Variants in QSOX2 observed in about 807,000 individuals in gnomAD.
The protein encoded by QSOX2 is sulfhydryl oxidase 2.
QSOX2 carries 46 observed loss-of-function variants against 61.7 expected under a neutral mutation model. That is an observed-to-expected ratio of 0.75 (90% CI 0.59 to 0.95). The LOEUF (loss-of-function observed/expected upper bound fraction) is 0.95. Ranked by LOEUF, QSOX2 falls within the 40% of genes least tolerant of loss-of-function variation. The probability of loss-of-function intolerance (pLI) is 0.00; values close to 1 mark genes in which losing one functional copy is unlikely to be tolerated. For missense variants in QSOX2, 879 were observed against 918.9 expected (o/e 0.96, Z 0.56); for synonymous variants, 383 against 388.4 (o/e 0.99, Z 0.16).
At chr9:136,230,002 C>T (rs976737863) in intron 1 of QSOX2, among the ~76,000 whole-genome samples, 1 of 152,222 alleles carries the variant, frequency 6.6e-6, no homozygotes, top group Non-Finnish European at 1.5e-5. Context: ...CCCTCCTGGC[C>T]GGGCGTGGTG....
Position 136,236,302 on chromosome 9 carries a change from G to A in QSOX2, c.328+9174C>T, listed in dbSNP as rs189226086. The stretch of plus-strand genomic sequence containing the variant: ...GCTGTGTGCCGGCCCCTGGGGAGAC[G>A]CACGGTGTGCGGAGATGGGGCAGAT... On this transcript the variant is annotated intron_variant, in intron 1 of 11. Transcript: ENST00000358701. Among the ~76,000 whole-genome samples the A allele has an allele frequency of 4.6e-3, 698 of 152,368 alleles. 13 individuals are homozygous for A. Among genetic ancestry groups the A allele is most frequent in the Middle Eastern group, 0.034 (10 of 294 alleles).
At chr9:136,226,995 G>A in intron 1 of QSOX2, 121 bp from the exon 2 acceptor site, 1 of 754,152 alleles carries the variant, frequency 1.3e-6, no homozygotes, top group Non-Finnish European at 2.4e-6. Context: ...GCCCCCTCTA[G>A]GTCATCAGTT....
chr9:136,211,565 C>G, intron 10 of QSOX2, 113 bp from the exon 11 acceptor site: 1 of 1,022,370 alleles, frequency 9.8e-7, no homozygotes, highest in Non-Finnish European at 1.4e-6. Flanking sequence ...GAAGCCACCT[C>G]ATGTCTCCCC....
Position 136,221,243 on chromosome 9 carries a change from G to A in QSOX2, c.821+553C>T, listed in dbSNP as rs1415696951. 1.3e-5 allele frequency among the ~76,000 whole-genome samples: 2 copies of A among 150,966 alleles called. No homozygotes were observed. Among genetic ancestry groups the A allele is most frequent in the Admixed American group, 6.6e-5 (1 of 15,190 alleles). On this transcript the variant is annotated intron_variant, in intron 6 of 11. Transcript: ENST00000358701. This position sits in a 1 kb window ranked among gnomAD's most constrained non-coding sequence, Gnocchi z 4.5. The stretch of plus-strand genomic sequence containing the variant: ...GAGGGGCACACAGGCACCCCACGCA[G>A]GGGCGAAGGGCTTATCCTCATGAGG...
rs1254339681 is a variant in QSOX2, at chr9:136,219,064, TTTC to T, written c.919_921del (p.Glu307del). On this transcript the variant is annotated inframe_deletion, in exon 7 of 12. Coordinates refer to ENST00000358701, the MANE Select transcript of QSOX2 (RefSeq NM_181701.4). ...TCTCTCCAAACCACGATTTCTGAAT[TTTC>T]TTCTTTGTGTGGCTTTTCAGGCAAG... 2 of 1,614,002 alleles carry T rather than the reference TTTC, an allele frequency of 1.2e-6. No individual in the cohort carries two copies. The highest frequency in any genetic ancestry group is 1.3e-5 in the African/African-American group (1 of 74,926).
chr9:136,231,457 G>C (rs1267384150), intron 1 of QSOX2, among the ~76,000 whole-genome samples: 1 of 152,208 alleles, frequency 6.6e-6, no homozygotes, highest in Admixed American at 6.5e-5. Context: ...GAAAACCAAG[G>C]CTTTGCAAAA....
intron 1 of QSOX2, among the ~76,000 whole-genome samples, chr9:136,241,840 C>T (rs74878706): frequency 0.011 from 1,708 of 152,358 alleles, 23 homozygotes; most frequent in Non-Finnish European, 0.016. Flanking sequence ...GCCCTGTTTT[C>T]TCAGGCTGAC....
At chr9:136,244,837 T>G (rs539844396) in intron 1 of QSOX2, among the ~76,000 whole-genome samples, 1 of 152,196 alleles carries the variant, frequency 6.6e-6, no homozygotes, top group Non-Finnish European at 1.5e-5. Context: ...AAATTCTTTG[T>G]AGAGTTAAAA....
At chr9:136,214,678 T>A (rs538698318) in intron 10 of QSOX2, among the ~76,000 whole-genome samples, 1 of 152,168 alleles carries the variant, frequency 6.6e-6, no homozygotes, top group East Asian at 1.9e-4. Flanking sequence ...GCCTGACCAA[T>A]CCTGAAGAAG....
At chr9:136,215,875 C>T (rs553296877) in intron 9 of QSOX2, among the ~76,000 whole-genome samples, 1 of 152,350 alleles carries the variant, frequency 6.6e-6, no homozygotes, top group South Asian at 2.1e-4. Context: ...GGAGATGTCA[C>T]ACGTCGCAGT....
intron 10 of QSOX2, among the ~76,000 whole-genome samples, chr9:136,211,804 T>C (rs549500329): frequency 1.3e-5 from 2 of 152,344 alleles, no homozygotes; most frequent in African/African-American, 2.4e-5. Context: ...TCCAGCCGTC[T>C]GTGCCAGAAC....
Position 136,244,873 on chromosome 9 carries a change from G to A in QSOX2, c.328+603C>T, listed in dbSNP as rs988963784. 3.3e-5 allele frequency among the ~76,000 whole-genome samples: 5 copies of A among 152,300 alleles called. No homozygotes were observed. In the Middle Eastern group the frequency reaches 0.01, roughly 311 times the overall value. On this transcript the variant is annotated intron_variant, in intron 1 of 11. Coordinates refer to ENST00000358701, the MANE Select transcript of QSOX2 (RefSeq NM_181701.4). ...AAATTGCTTTATAGGTTGTTTTGGG[G>A]TATTATAGAGAAGTCTCCAGAGTAT...
Position 136,223,936 on chromosome 9 carries a change from T to C in QSOX2, c.584+71A>G, listed in dbSNP as rs944754133. Reference sequence around the variant, plus strand: ...ACATCCCAGTGGCCACATCACTTAATAGAAACCTATTACGTTTCTTGCACA... The same window carrying C: ...ACATCCCAGTGGCCACATCACTTAACAGAAACCTATTACGTTTCTTGCACA... On this transcript the variant is annotated intron_variant, in intron 4 of 11. Transcript: ENST00000358701. The surrounding 1 kb of genome is among the most constrained non-coding windows in gnomAD (Gnocchi z 4.4). 4 of 1,563,898 alleles carry C rather than the reference T, an allele frequency of 2.6e-6. No individual in the cohort carries two copies. Among genetic ancestry groups the C allele is most frequent in the Non-Finnish European group, 3.5e-6 (4 of 1,135,480 alleles).
intron 6 of QSOX2, among the ~76,000 whole-genome samples, chr9:136,220,296 T>C (rs1831965224): frequency 6.6e-6 from 1 of 152,248 alleles, no homozygotes; most frequent in South Asian, 2.1e-4. Context: ...CTGAAAGTGC[T>C]GGGATTACAG....
Position 136,216,616 on chromosome 9 carries a change from A to C in QSOX2, c.1193T>G (p.Val398Gly), listed in dbSNP as rs747554299. The C allele has an allele frequency of 3.8e-5, 61 of 1,613,730 alleles. No homozygotes were observed. Among genetic ancestry groups the C allele is most frequent in the Non-Finnish European group, 4.9e-5 (58 of 1,179,942 alleles). The change falls in exon 9 of 12, where the codon GTC (valine) becomes GGC (glycine). Residue 398 changes from valine to glycine, a missense_variant. Coordinates refer to ENST00000358701, the MANE Select transcript of QSOX2 (RefSeq NM_181701.4). The part of the protein sequence containing the change: ...RIPYNAVLDL[V>G]NNKMRISGIF... ...GGGGCTCACCCGCATCTTGTTGTTGACCAGGTCAAGCACGGCGTTGTAGGG... is the reference window on the plus strand; with the variant it reads ...GGGGCTCACCCGCATCTTGTTGTTGCCCAGGTCAAGCACGGCGTTGTAGGG...
intron 1 of QSOX2, among the ~76,000 whole-genome samples, chr9:136,233,081 G>A (rs1019759163): frequency 3.1e-4 from 47 of 152,142 alleles, no homozygotes. Flanking sequence ...GCACCAGTCG[G>A]GAGAGGCTGA....
chr9:136,243,225 G>A (rs1195073118), intron 1 of QSOX2, among the ~76,000 whole-genome samples: 5 of 152,214 alleles, frequency 3.3e-5, no homozygotes, highest in Non-Finnish European at 7.3e-5. Context: ...GTCCTGCAAA[G>A]CTGTCTTTTG....
Position 136,208,926 on chromosome 9 carries a change from G to A in QSOX2, c.1899C>T (p.Leu633=). The A allele has an allele frequency of 6.2e-7, 1 of 1,613,884 alleles. No individual in the cohort carries two copies. The highest frequency in any genetic ancestry group is 2.2e-5 in the East Asian group (1 of 44,878). Residue 633 remains leucine (L), a synonymous_variant, in exon 12 of 12, where the codon CTC becomes CTT. Transcript: ENST00000358701. ...ESLHHSLDGK[L]QSLDGPGAHK... ...GGGCCCCGGGCCCATCCAGACTCTG[G>A]AGTTTCCCGTCCAAGCTGTGATGCA...
chr9:136,213,755 C>A (rs1831877288), intron 10 of QSOX2, among the ~76,000 whole-genome samples: 1 of 152,224 alleles, frequency 6.6e-6, no homozygotes, highest in Non-Finnish European at 1.5e-5. Flanking sequence ...TGTGACTCCA[C>A]ACTGAGGTGG....
Sources: gnomAD v4.1 joint callset for allele counts (sites outside exome capture counted in the v4.1 genomes callset) on GRCh38, gnomAD v4.1.1 for gene constraint, Gnocchi (gnomAD v3.1) non-coding constraint, MANE v1.5 for transcripts, NCBI Gene and HGNC (gene_info 2026-07-23, HGNC 2026-07-21) for gene names.